Variants in GTF2IRD2 observed in about 807,000 individuals in gnomAD.
GTF2IRD2 encodes GTF2I repeat domain containing 2, also known as general transcription factor II-I repeat domain-containing protein 2A.
In GTF2IRD2, 8 loss-of-function variants were observed where a neutral mutation model predicts 49.2. The observed-to-expected ratio is 0.16, with a 90% CI of 0.10 to 0.29. The LOEUF (loss-of-function observed/expected upper bound fraction) is 0.29. GTF2IRD2 is among the 10% of genes least tolerant of loss of function. GTF2IRD2 has a pLI of 1.00. For missense variants in GTF2IRD2, 130 were observed against 725.7 expected (o/e 0.18, Z 9.43); for synonymous variants, 47 against 289.7 (o/e 0.16, Z 8.51).
intron 1 of GTF2IRD2, among the ~76,000 whole-genome samples, chr7:74,840,293 A>G (rs1363203394): frequency 9.9e-6 from 1 of 101,424 alleles, no homozygotes; most frequent in Non-Finnish European, 1.9e-5. Flanking sequence ...ACGGGGTTTC[A>G]CCATGTTAGC....
chr7:74,830,076 C>A lies in GTF2IRD2; in HGVS notation c.238+2729G>T, dbSNP rs1479216359. On this transcript the variant is annotated intron_variant, in intron 3 of 15. Transcript: ENST00000451013. ...TAGGGTAGGGAGTCCAGAAATAAAC[C>A]CTTGACCAAATATTTAGCATGCATG... Among the ~76,000 whole-genome samples the A allele has an allele frequency of 4.4e-4, 65 of 146,998 alleles. No individual in the cohort carries two copies. In the East Asian group the frequency reaches 9.2e-3, roughly 21 times the overall value.
chr7:74,807,281 C>G (rs1192844833), intron 11 of GTF2IRD2, among the ~76,000 whole-genome samples: 2 of 110,716 alleles, frequency 1.8e-5, no homozygotes, highest in Non-Finnish European at 3.9e-5. Context: ...TCATGCTTGG[C>G]TAATTTTTTT....
intron 11 of GTF2IRD2, among the ~76,000 whole-genome samples, chr7:74,807,334 G>A (rs1220485452): frequency 3.1e-5 from 3 of 96,388 alleles, no homozygotes; most frequent in Non-Finnish European, 6.6e-5. Context: ...CTGGAGTGCA[G>A]TGGTGCGATC....
chr7:74,807,144 T>G, intron 11 of GTF2IRD2, 133 bp from the exon 12 acceptor site: 1 of 36,740 alleles, frequency 2.7e-5, no homozygotes, highest in Non-Finnish European at 5.0e-5. Context: ...TTGAGACAGG[T>G]TCTTACTCTG....
chr7:74,836,162 C>G (rs1800298054), intron 2 of GTF2IRD2, 118 bp downstream of exon 2: 1 of 1,267,220 alleles, frequency 7.9e-7, no homozygotes, highest in East Asian at 2.4e-5. Context: ...CAGAGTGAGA[C>G]TCTGTCTTAA....
chr7:74,829,898 A>C (rs1799694994), intron 3 of GTF2IRD2, among the ~76,000 whole-genome samples: 1 of 148,304 alleles, frequency 6.7e-6, no homozygotes. Flanking sequence ...AAAAAAAAAA[A>C]AAAATTCATA....
chr7:74,822,019 A>G, intron 6 of GTF2IRD2: 1 of 342,312 alleles, frequency 2.9e-6, no homozygotes, highest in Non-Finnish European at 5.6e-6. Flanking sequence ...CCCATCCTCT[A>G]AGTTCCCTCC....
intron 3 of GTF2IRD2, among the ~76,000 whole-genome samples, chr7:74,831,408 C>G (rs1554420365): frequency 6.7e-6 from 1 of 148,856 alleles, no homozygotes; most frequent in South Asian, 2.1e-4. Context: ...ATCTATCTAC[C>G]TATCTATCTA....
At chr7:74,825,687 T>A (rs1272632012) in intron 3 of GTF2IRD2, among the ~76,000 whole-genome samples, 7 of 150,908 alleles carry the variant, frequency 4.6e-5, no homozygotes, top group Non-Finnish European at 1.0e-4. Flanking sequence ...AAACTGATTG[T>A]TTTCATCAGT....
At chr7:74,826,111 C>T (rs1205660802) in intron 3 of GTF2IRD2, among the ~76,000 whole-genome samples, 8 of 151,182 alleles carry the variant, frequency 5.3e-5, no homozygotes, top group East Asian at 2.0e-4. Flanking sequence ...CATGGATATA[C>T]GGTGTTGTTG....
chr7:74,836,334 G>A lies in GTF2IRD2; in HGVS notation c.45C>T (p.Ser15=). The change falls in exon 2 of 16, where the codon TCC becomes TCT. Residue 15 remains serine, a synonymous_variant. Coordinates refer to ENST00000451013, the MANE Select transcript of GTF2IRD2 (RefSeq NM_173537.5). The part of the protein sequence containing the change: ...AVSTLPVEEE[S]SSETRMVVTF... Reference sequence around the variant, plus strand: ...TCACCACCATCCTGGTCTCTGAGGAGGACTCTTCTTCAACAGGCAGGGTGG... The same window carrying A: ...TCACCACCATCCTGGTCTCTGAGGAAGACTCTTCTTCAACAGGCAGGGTGG... The A allele has an allele frequency of 6.2e-7, 1 of 1,608,800 alleles. No homozygotes were observed. The highest frequency in any genetic ancestry group is 8.5e-7 in the Non-Finnish European group (1 of 1,179,408).
In GTF2IRD2 at chr7:74,841,703, T is replaced by C. The variant is rs1320992446; in HGVS notation, c.-5-5320A>G. ...CAACTTAAAATCCAAAGGAGTCACA[T>C]ATTATGTAATTCCATTCATATTAAA... is the stretch of plus-strand genomic sequence containing the variant. On this transcript the variant is annotated intron_variant, in intron 1 of 15. Coordinates refer to ENST00000451013, the MANE Select transcript of GTF2IRD2 (RefSeq NM_173537.5). 2.8e-5 allele frequency among the ~76,000 whole-genome samples: 4 copies of C among 143,522 alleles called. 1 individual carries two copies. The allele number at this position is 143,522 out of a possible 152,430, so 94.2% of individuals were successfully genotyped here.
chr7:74,815,806 G>T (rs1228473572), intron 8 of GTF2IRD2, among the ~76,000 whole-genome samples: 1 of 50,356 alleles, frequency 2.0e-5, no homozygotes, highest in African/African-American at 8.0e-5. Flanking sequence ...AGGAAAGAAA[G>T]AAAGAAAGAA....
intron 10 of GTF2IRD2, 128 bp downstream of exon 10, chr7:74,810,768 T>G (rs1798079016): frequency 5.7e-6 from 1 of 176,556 alleles, no homozygotes. Context: ...GCCACTGCAC[T>G]CCAGCCTGGG....
At position 74,797,034 on chromosome 7, in the gene GTF2IRD2, G is replaced by A. The variant is rs146532025; in HGVS notation, c.2478C>T (p.Ile826=). The change falls in exon 16 of 16, where the codon ATC becomes ATT. Residue 826 remains isoleucine, a synonymous_variant. Coordinates refer to ENST00000451013, the MANE Select transcript of GTF2IRD2 (RefSeq NM_173537.5). ...ESDGLNYIPK[I]AELQTEFQKR... ...TCTGGAATTCGGTCTGGAGTTCCGCGATTTTGGGAATGTAGTTCAGGCCAT... is the reference window on the plus strand; with the variant it reads ...TCTGGAATTCGGTCTGGAGTTCCGCAATTTTGGGAATGTAGTTCAGGCCAT... 3.0e-4 allele frequency: 229 copies of A among 758,420 alleles called. No homozygotes were observed. Among genetic ancestry groups the A allele is most frequent in the Non-Finnish European group, 4.5e-4 (207 of 457,516 alleles). 47.0% of individuals were successfully genotyped at this position (758,420 alleles called of 1,614,324 possible).
At chr7:74,844,360 T>TTTTTTTTATTTATTTA (rs1554422236) in intron 1 of GTF2IRD2, among the ~76,000 whole-genome samples, 1 of 13,182 alleles carries the variant, frequency 7.6e-5, no homozygotes, top group Non-Finnish European at 1.4e-4. Flanking sequence ...ATTATGTTTT[T>TTTTTTTTATTTATTTA]TTTATTTATT....
intron 8 of GTF2IRD2, among the ~76,000 whole-genome samples, chr7:74,815,384 G>A (rs1798415019): frequency 1.3e-5 from 1 of 79,712 alleles, no homozygotes; most frequent in African/African-American, 3.0e-5. Context: ...CCGGGGGGGC[G>A]GAAGTTGCAG....
chr7:74,844,926 C>A (rs1431288271), intron 1 of GTF2IRD2, among the ~76,000 whole-genome samples: 1 of 99,528 alleles, frequency 1.0e-5, no homozygotes, highest in Non-Finnish European at 2.3e-5. Flanking sequence ...CTCCTGACCT[C>A]AGGTGATCTG....
At chr7:74,831,490 CCT>C (rs1178787206) in intron 3 of GTF2IRD2, among the ~76,000 whole-genome samples, 4 of 141,696 alleles carry the variant, frequency 2.8e-5, no homozygotes, top group Admixed American at 7.4e-5. Flanking sequence ...CATAGAGACC[CCT>C]CTCTCTGTAC....
Sources: allele counts gnomAD v4.1 joint callset (sites outside exome capture counted in the v4.1 genomes callset), GRCh38; gene constraint gnomAD v4.1.1; transcripts MANE v1.5; gene names NCBI Gene and HGNC (gene_info 2026-07-23, HGNC 2026-07-21).